Variants in DNAH6 observed in about 807,000 individuals in gnomAD.
The protein encoded by DNAH6 is dynein axonemal heavy chain 6.
A neutral mutation model predicts 491.4 loss-of-function variants in DNAH6; 340 were observed. The ratio of observed to expected loss-of-function variants is 0.69; its 90% CI spans 0.63 to 0.76. The LOEUF (loss-of-function observed/expected upper bound fraction) is 0.76. Among genes scored for constraint, DNAH6 ranks in the 30% least tolerant of loss-of-function variants. The pLI, the probability that DNAH6 is intolerant of heterozygous loss-of-function variation, is 0.00. For synonymous variants in DNAH6, 1,603 were observed against 1,686.1 expected (o/e 0.95, Z 1.21); for missense variants, 4,443 against 4,972.2 (o/e 0.89, Z 3.20).
intron 26 of DNAH6, 57 bp from the exon 27 acceptor site, chr2:84,624,208 T>A (rs1431746292): frequency 8.5e-6 from 12 of 1,414,372 alleles, no homozygotes; most frequent in African/African-American, 2.9e-5. Flanking sequence ...AAAGAGATAA[T>A]GTATATATGT....
At chr2:84,741,390 G>A (rs911979993) in intron 62 of DNAH6, among the ~76,000 whole-genome samples, 5 of 152,134 alleles carry the variant, frequency 3.3e-5, no homozygotes, top group Non-Finnish European at 5.9e-5. Context: ...AGAGCTGTGA[G>A]TATTGTCCTA....
chr2:84,541,345 C>T (rs1678221806), intron 4 of DNAH6, among the ~76,000 whole-genome samples: 1 of 152,148 alleles, frequency 6.6e-6, no homozygotes, highest in African/African-American at 2.4e-5. Flanking sequence ...TTTTCCTCAC[C>T]CTGCGGCCCC....
chr2:84,715,084 C>T (rs1357979546), intron 57 of DNAH6, among the ~76,000 whole-genome samples: 2 of 151,976 alleles, frequency 1.3e-5, no homozygotes, highest in East Asian at 1.9e-4. Context: ...AGCAAAGACA[C>T]ACTGTATCAT....
At chr2:84,719,869 A>AAC (rs72442165) in intron 59 of DNAH6, among the ~76,000 whole-genome samples, 5,507 of 144,728 alleles carry the variant, frequency 0.038, 211 homozygotes, top group African/African-American at 0.1. Flanking sequence ...CTGTACCTCT[A>AAC]ACACACACAC....
chr2:84,526,746 T>C (rs1258748984), intron 3 of DNAH6, among the ~76,000 whole-genome samples: 2 of 152,128 alleles, frequency 1.3e-5, no homozygotes, highest in Non-Finnish European at 2.9e-5. Flanking sequence ...GATGGAATTA[T>C]AAAGCTTCAG....
intron 61 of DNAH6, among the ~76,000 whole-genome samples, chr2:84,731,596 T>C (rs1170924352): frequency 1.3e-5 from 2 of 152,240 alleles, no homozygotes; most frequent in Admixed American, 6.5e-5. Context: ...AGAAGCAACC[T>C]ATAAAACAGA....
intron 4 of DNAH6, among the ~76,000 whole-genome samples, chr2:84,539,290 T>G (rs1042607529): frequency 2.0e-5 from 3 of 152,116 alleles, no homozygotes; most frequent in African/African-American, 7.2e-5. Context: ...GACTCCAGAT[T>G]GTCTCCCTAC....
chr2:84,469,494 T>A, the DNAH6 span, among the ~76,000 whole-genome samples: 3 of 152,114 alleles, frequency 2.0e-5, no homozygotes, highest in African/African-American at 7.2e-5. This position sits in a 1 kb window ranked among gnomAD's most constrained non-coding sequence, Gnocchi z 4.0. Context: ...CAACATGTGG[T>A]CTCTGGGCAA....
intron 14 of DNAH6, among the ~76,000 whole-genome samples, chr2:84,582,244 CA>C (rs1014824785): frequency 2.0e-5 from 3 of 152,078 alleles, no homozygotes; most frequent in Non-Finnish European, 4.4e-5. Context: ...CAGGTCTTTA[CA>C]AAAAGGCCTC....
At chr2:84,711,491 G>A (rs190384398) in intron 56 of DNAH6, among the ~76,000 whole-genome samples, 13 of 152,320 alleles carry the variant, frequency 8.5e-5, no homozygotes, top group Admixed American at 1.3e-4. Flanking sequence ...CCTGCATGAT[G>A]ACTAGGAATT....
At chr2:84,615,754 T>C (rs1686794708) in intron 22 of DNAH6, among the ~76,000 whole-genome samples, 1 of 151,546 alleles carries the variant, frequency 6.6e-6, no homozygotes, top group Non-Finnish European at 1.5e-5. Flanking sequence ...TTTTACCTCC[T>C]TGGTTAAGTA....
chr2:84,785,671 C>T lies in DNAH6; in HGVS notation c.11015C>T (p.Thr3672Ile). 2 of 1,548,500 alleles carry T rather than the reference C, an allele frequency of 1.3e-6. No homozygotes were observed. Among genetic ancestry groups the T allele is most frequent in the Non-Finnish European group, 1.7e-6 (2 of 1,145,980 alleles). Reference protein sequence around the residue: ...ANIRRAFTEMTPSFFEENILG... With the variant: ...ANIRRAFTEMIPSFFEENILG... ...ATCAGACGAGCATTTACTGAAATGA[C>T]ACCTTCGTTTTTTGAAGAAAATATA... Residue 3672 changes from threonine to isoleucine, a missense_variant, in exon 67 of 77, where the codon ACA (threonine) becomes ATA (isoleucine). Transcript: ENST00000389394.
At chr2:84,791,395 A>G (rs1002928704) in intron 68 of DNAH6, among the ~76,000 whole-genome samples, 4 of 151,898 alleles carry the variant, frequency 2.6e-5, no homozygotes, top group African/African-American at 4.8e-5. Context: ...AATAAATCCC[A>G]AAAACATTAT....
Position 84,812,433 on chromosome 2 carries a change from G to A in DNAH6, c.11832G>A (p.Gln3944=), listed in dbSNP as rs535882244. The A allele has an allele frequency of 4.5e-6, 7 of 1,551,750 alleles. 1 individual carries two copies. In the East Asian group the frequency reaches 9.8e-5, roughly 22 times the overall value. The part of the protein sequence containing the change: ...EKVYNSFLNN[Q]VPALWSNTAY... ...TGTATAACAGTTTCCTCAACAACCA[G>A]GTTCCCGCTCTGTGGTCCAACACAG... Residue 3944 remains glutamine, a synonymous_variant, in exon 73 of 77, where the codon CAG becomes CAA. Transcript: ENST00000389394.
intron 10 of DNAH6, 48 bp downstream of exon 10, chr2:84,553,082 A>G: frequency 8.9e-7 from 1 of 1,128,830 alleles, no homozygotes; most frequent in Non-Finnish European, 1.3e-6. Flanking sequence ...TATTTGGAAA[A>G]TGAAGCAGCT....
the DNAH6 span, among the ~76,000 whole-genome samples, chr2:84,469,897 TA>T: frequency 2.8e-4 from 42 of 152,272 alleles, no homozygotes; most frequent in African/African-American, 9.4e-4. This position sits in a 1 kb window ranked among gnomAD's most constrained non-coding sequence, Gnocchi z 4.0. Flanking sequence ...CCCTAAATCT[TA>T]GAAAGGACTC....
chr2:84,796,389 G>A lies in DNAH6; in HGVS notation c.11323G>A (p.Glu3775Lys). The change falls in exon 69 of 77, where the codon GAA becomes AAA. Residue 3775 changes from glutamate to lysine, a missense_variant. Around this residue, in one of 3 missense-constraint regions of DNAH6, gnomAD observed 1,463 missense variants for 1,656.6 expected, o/e 0.88. Coordinates refer to ENST00000389394, the MANE Select transcript of DNAH6 (RefSeq NM_001370.2). ...TATCTTGAAAAGATTTTTTTCTCCT[G>A]AAACATTAGAAGAAGATTATAAATA... ...RTILKRFFSP[E>K]TLEEDYKYSE... is the part of the protein sequence containing the mutation. The A allele has an allele frequency of 6.6e-7, 1 of 1,524,086 alleles. No individual in the cohort carries two copies. The highest frequency in any genetic ancestry group is 8.9e-7 in the Non-Finnish European group (1 of 1,129,108). The allele number at this position is 1,524,086 out of a possible 1,614,324, so 94.4% of individuals were successfully genotyped here. A position where few individuals can be genotyped will look rare whatever the true frequency, so the allele number is the denominator to read the frequency against.
intron 70 of DNAH6, among the ~76,000 whole-genome samples, chr2:84,801,378 A>G (rs1273709477): frequency 6.6e-6 from 1 of 152,156 alleles, no homozygotes; most frequent in African/African-American, 2.4e-5. Context: ...CAAGAAATCC[A>G]GAGAACTCCT....
intron 51 of DNAH6, among the ~76,000 whole-genome samples, chr2:84,705,190 C>T (rs1472218391): frequency 6.6e-6 from 1 of 152,158 alleles, no homozygotes; most frequent in Non-Finnish European, 1.5e-5. Context: ...AATGTGAGTG[C>T]CTGCGGCGTT....
Sources: gnomAD v4.1 joint callset for allele counts (sites outside exome capture counted in the v4.1 genomes callset) on GRCh38, gnomAD v4.1.1 for gene constraint, gnomAD v4.1.1 regional missense constraint, Gnocchi (gnomAD v3.1) non-coding constraint, MANE v1.5 for transcripts, NCBI Gene and HGNC (gene_info 2026-07-23, HGNC 2026-07-21) for gene names.